ZFPM2: variants seen among roughly 807,000 people sequenced by gnomAD.
ZFPM2 encodes the protein zinc finger protein ZFPM2.
In ZFPM2, 20 loss-of-function variants were observed where a neutral mutation model predicts 98.6. That is an observed-to-expected ratio of 0.20 (90% confidence interval 0.14 to 0.29). ZFPM2 has a LOEUF of 0.29. Among genes scored for constraint, ZFPM2 ranks in the 10% least tolerant of loss-of-function variants. The pLI is 1.00. For synonymous variants in ZFPM2, 518 were observed against 502.7 expected (o/e 1.03, Z -0.41); for missense variants, 1,310 against 1,388.6 (o/e 0.94, Z 0.90).
chr8:105,347,104 A>G (rs1253874798), intron 1 of ZFPM2, among the ~76,000 whole-genome samples: 1 of 152,196 alleles, frequency 6.6e-6, no homozygotes, highest in African/African-American at 2.4e-5. Flanking sequence ...TTGGAACTTT[A>G]AACAATTTTG....
At chr8:105,336,761 A>G (rs1213963664) in intron 1 of ZFPM2, among the ~76,000 whole-genome samples, 1 of 151,264 alleles carries the variant, frequency 6.6e-6, no homozygotes, top group Non-Finnish European at 1.5e-5. Flanking sequence ...CACACTATAT[A>G]TATGACACAC....
intron 5 of ZFPM2, among the ~76,000 whole-genome samples, chr8:105,695,771 G>A (rs1041205593): frequency 1.5e-4 from 23 of 152,076 alleles, no homozygotes; most frequent in Middle Eastern, 3.4e-3. Context: ...AATATATAGC[G>A]TATATTTTTA....
chr8:105,564,528 A>G (rs1815205477), intron 4 of ZFPM2, among the ~76,000 whole-genome samples: 2 of 152,098 alleles, frequency 1.3e-5, no homozygotes, highest in South Asian at 2.1e-4. Context: ...GTTAACATAT[A>G]TGTCTGAAAA....
chr8:105,506,475 A>G (rs1813700262), intron 3 of ZFPM2, among the ~76,000 whole-genome samples: 1 of 152,134 alleles, frequency 6.6e-6, no homozygotes, highest in African/African-American at 2.4e-5. Flanking sequence ...TTGTATTTGA[A>G]ACTTTTACTT....
chr8:105,704,258 T>C (rs1447436408), intron 5 of ZFPM2, among the ~76,000 whole-genome samples: 10 of 152,206 alleles, frequency 6.6e-5, no homozygotes, highest in Non-Finnish European at 1.3e-4. Flanking sequence ...TCCTCCCCCT[T>C]TACATATATT....
chr8:105,767,149 C>A (rs1315912591), intron 5 of ZFPM2, among the ~76,000 whole-genome samples: 3 of 151,642 alleles, frequency 2.0e-5, no homozygotes, highest in Admixed American at 2.0e-4. Context: ...GGGGTGCAGT[C>A]TGGAAGACAA....
chr8:105,322,781 T>C (rs929348135), intron 1 of ZFPM2, among the ~76,000 whole-genome samples: 14 of 152,058 alleles, frequency 9.2e-5, no homozygotes, highest in African/African-American at 3.4e-4. Flanking sequence ...AATGTTCTGG[T>C]TAGAGAATAA....
chr8:105,548,186 A>T (rs867974163), intron 3 of ZFPM2, among the ~76,000 whole-genome samples: 20 of 152,224 alleles, frequency 1.3e-4, no homozygotes, highest in African/African-American at 4.1e-4. Context: ...ATACACTGAG[A>T]GGACATGATA....
intron 3 of ZFPM2, among the ~76,000 whole-genome samples, chr8:105,534,652 T>TA (rs950809135): frequency 2.0e-5 from 3 of 152,080 alleles, no homozygotes; most frequent in Admixed American, 6.6e-5. Context: ...AAGGAACAGC[T>TA]GAGCATTGTC....
chr8:105,669,074 A>T (rs189375347), intron 5 of ZFPM2, among the ~76,000 whole-genome samples: 2 of 152,250 alleles, frequency 1.3e-5, no homozygotes, highest in Admixed American at 1.3e-4. Flanking sequence ...GGATAGAGTA[A>T]AAAGAGTAAT....
chr8:105,674,961 A>T (rs1406997226), intron 5 of ZFPM2, among the ~76,000 whole-genome samples: 2 of 152,064 alleles, frequency 1.3e-5, no homozygotes, highest in African/African-American at 4.8e-5. Context: ...TTTAATGGTG[A>T]TGGATTAGAC....
chr8:105,548,970 G>A lies in ZFPM2; in HGVS notation c.302-12393G>A, dbSNP rs1390509945. Among the ~76,000 whole-genome samples the A allele has an allele frequency of 3.3e-5, 5 of 152,130 alleles. No homozygotes were observed. In the East Asian group the frequency reaches 7.7e-4, roughly 23 times the overall value. The stretch of plus-strand genomic sequence containing the variant: ...AAAGTTCAGCTGGATATGATTTTAT[G>A]AACAAAATAGTCCTGGGAATAGTAC... On this transcript the variant is annotated intron_variant, in intron 3 of 7. Transcript: ENST00000407775.
intron 5 of ZFPM2, among the ~76,000 whole-genome samples, chr8:105,727,830 CAT>C (rs969613064): frequency 6.6e-6 from 1 of 151,374 alleles, no homozygotes; most frequent in African/African-American, 2.4e-5. Flanking sequence ...AGAAAAGTAT[CAT>C]AGAGCAATTG....
chr8:105,444,491 G>A, intron 3 of ZFPM2, 110 bp downstream of exon 3: 1 of 610,140 alleles, frequency 1.6e-6, no homozygotes, highest in Non-Finnish European at 2.8e-6. Flanking sequence ...TGTGTGTGCT[G>A]GTTACATGAG....
rs546957571 is a variant in ZFPM2 at position 105,606,057 on chromosome 8, T to A, written c.421-28189T>A. 4.3e-3 allele frequency among the ~76,000 whole-genome samples: 649 copies of A among 152,248 alleles called. 4 individuals are homozygous for A. Among genetic ancestry groups the A allele is most frequent in the Non-Finnish European group, 7.7e-3 (527 of 68,002 alleles). ...TTCTAAGTATTATTTCATTTTCCAT[T>A]CTCTCATTGAGGATAGCTTCTTTTT... is the stretch of plus-strand genomic sequence containing the variant. On this transcript the variant is annotated intron_variant, in intron 4 of 7. Coordinates refer to ENST00000407775, the MANE Select transcript of ZFPM2 (RefSeq NM_012082.4).
intron 3 of ZFPM2, among the ~76,000 whole-genome samples, chr8:105,554,861 GCTA>G (rs1814949063): frequency 2.0e-5 from 3 of 152,066 alleles, no homozygotes; most frequent in Non-Finnish European, 1.5e-5. Flanking sequence ...CCTTTGGTGT[GCTA>G]CTATGTTCAT....
At chr8:105,385,237 G>A (rs1442638310) in intron 1 of ZFPM2, among the ~76,000 whole-genome samples, 2 of 152,306 alleles carry the variant, frequency 1.3e-5, no homozygotes, top group Admixed American at 6.5e-5. Context: ...TTTGACATTC[G>A]TTTCTGCATG....
At chr8:105,799,959 C>A (rs972929797) in intron 7 of ZFPM2, among the ~76,000 whole-genome samples, 4 of 152,158 alleles carry the variant, frequency 2.6e-5, no homozygotes, top group African/African-American at 9.7e-5. Flanking sequence ...TGCTCATCCT[C>A]TTTCCTCTCC....
At chr8:105,572,055 T>G (rs1815368153) in intron 4 of ZFPM2, among the ~76,000 whole-genome samples, 2 of 137,588 alleles carry the variant, frequency 1.5e-5, no homozygotes, top group African/African-American at 5.2e-5. Flanking sequence ...TTTTTTTTTT[T>G]GAGACGGAGT....
Sources: gnomAD v4.1 joint callset for allele counts (sites outside exome capture counted in the v4.1 genomes callset) on GRCh38, gnomAD v4.1.1 for gene constraint, MANE v1.5 for transcripts, NCBI Gene and HGNC (gene_info 2026-07-23, HGNC 2026-07-21) for gene names.